ZNF836: variants seen among roughly 807,000 people sequenced by gnomAD.
The protein encoded by ZNF836 is zinc finger protein 836.
ZNF836 carries 12 observed loss-of-function variants against 7.4 expected under a neutral mutation model. The ratio of observed to expected loss-of-function variants is 1.61; its 90% CI spans 1.03 to 2.61. ZNF836 has a LOEUF of 2.61. Ranked by LOEUF, ZNF836 falls within the 30% of genes most tolerant of loss-of-function variation. The pLI is 0.00. For missense variants in ZNF836, 998 were observed against 1,126.2 expected, an observed-to-expected ratio of 0.89 and a Z score of 1.63; for synonymous variants, 365 against 382.6, an observed-to-expected ratio of 0.95 and a Z score of 0.54.
chr19:52,166,722 C>A (rs532511442), intron 3 of ZNF836, among the ~76,000 whole-genome samples: 1 of 151,702 alleles, frequency 6.6e-6, no homozygotes, highest in Non-Finnish European at 1.5e-5. Flanking sequence ...TACAGGCCCC[C>A]GCCACCACGC....
intron 4 of ZNF836, 155 bp downstream of exon 4, chr19:52,160,310 G>T (rs767470497): frequency 3.3e-5 from 28 of 841,656 alleles, no homozygotes; most frequent in Non-Finnish European, 5.3e-5. Flanking sequence ...TATGGGAAAT[G>T]AAAGGCCAGA....
At chr19:52,168,198 C>T in intron 2 of ZNF836, 46 bp from the exon 3 acceptor site, 1 of 1,278,198 alleles carries the variant, frequency 7.8e-7, no homozygotes, top group Non-Finnish European at 1.1e-6. Flanking sequence ...ACAACACATT[C>T]CTTTCTGCGC....
At chr19:52,165,947 GTAGT>G (rs1417415792) in intron 3 of ZNF836, among the ~76,000 whole-genome samples, 1 of 151,856 alleles carries the variant, frequency 6.6e-6, no homozygotes, top group Non-Finnish European at 1.5e-5. Context: ...TTCATATTCT[GTAGT>G]TAAATTTTCA....
In ZNF836 at chr19:52,156,580, C is replaced by T. The variant is rs2089162801; in HGVS notation, c.1103G>A (p.Arg368Lys). ...GTGATTTACAAGATTAGAATTCTGC[C>T]TGAAGACCTTGCCACATATATCACA... ...YQCDICGKVF[R>K]QNSNLVNHQR... The change falls in exon 5 of 5, where the codon AGG (arginine) becomes AAG (lysine). Residue 368 changes from arginine to lysine, a missense_variant. Physicochemically the swap from Arg to Lys is conservative, Grantham distance 26. Transcript: ENST00000682614. 2 of 1,613,760 alleles carry T rather than the reference C, an allele frequency of 1.2e-6. No homozygotes were observed. Among genetic ancestry groups the T allele is most frequent in the South Asian group, 1.1e-5 (1 of 91,064 alleles).
Position 52,154,967 on chromosome 19 carries a change from T to C in ZNF836, c.2716A>G (p.Thr906Ala). 1.2e-6 allele frequency: 2 copies of C among 1,602,074 alleles called. No homozygotes were observed. Among genetic ancestry groups the C allele is most frequent in the Non-Finnish European group, 1.7e-6 (2 of 1,173,388 alleles). The change falls in exon 5 of 5, where the codon ACT (threonine) becomes GCT (alanine). Residue 906 changes from threonine to alanine, a missense_variant. Thr to Ala is a moderately conservative substitution (Grantham distance 58, BLOSUM62 0). Coordinates refer to ENST00000682614, the MANE Select transcript of ZNF836 (RefSeq NM_001102657.3). ...GCAGTATGTTTTGTCTGATGTTTAG[T>C]GAGGCCTGAGCGACTAATGAAAGAT... ...GKSFISRSGL[T>A]KHQTKHTAES... is the part of the protein sequence containing the mutation.
Position 52,157,011 on chromosome 19 carries a change from G to A in ZNF836, c.672C>T (p.Gly224=), listed in dbSNP as rs781424061. Residue 224 remains glycine (G), a synonymous_variant, in exon 5 of 5, where the codon GGC becomes GGT. Coordinates refer to ENST00000682614, the MANE Select transcript of ZNF836 (RefSeq NM_001102657.3). The stretch of plus-strand genomic sequence containing the variant: ...GACTTGAAGACACTCTAAAGGCTTT[G>A]CCACACCCTTTACACATATAAGGTT... ...REKPYMCKGC[G]KAFRVSSSLI... The A allele has an allele frequency of 2.5e-6, 4 of 1,614,160 alleles. No homozygotes were observed. In the East Asian group the frequency reaches 6.7e-5, roughly 27 times the overall value.
chr19:52,166,604 C>T (rs1301044155), intron 3 of ZNF836, among the ~76,000 whole-genome samples: 2 of 136,818 alleles, frequency 1.5e-5, no homozygotes, highest in African/African-American at 2.7e-5. Flanking sequence ...GACGGAGTCT[C>T]GCTCTGTCGC....
chr19:52,155,117 GAT>G lies in ZNF836; in HGVS notation c.2564_2565del (p.Asn855ThrfsTer11). On this transcript the variant is annotated frameshift_variant, in exon 5 of 5. Coordinates refer to ENST00000682614, the MANE Select transcript of ZNF836 (RefSeq NM_001102657.3). LOFTEE classifies it low-confidence loss of function (END_TRUNC). ...ERSKLVYHQR[N>X]HTGEKPYKCI... ...CATTTGTATGGCTTCTCTCCAGTGT[GAT>G]TTCTTTGATGGTACACCAGCTTTGA... 1 of 1,614,172 alleles carries G rather than the reference GAT, an allele frequency of 6.2e-7. No homozygotes were observed. Among genetic ancestry groups the G allele is most frequent in the Non-Finnish European group, 8.5e-7 (1 of 1,179,988 alleles).
intron 3 of ZNF836, among the ~76,000 whole-genome samples, chr19:52,163,177 G>A (rs1345256642): frequency 6.6e-6 from 1 of 152,172 alleles, no homozygotes; most frequent in Non-Finnish European, 1.5e-5. Context: ...ATGCCTTTGG[G>A]ATGATTCTCT....
rs1358839132 is a variant in ZNF836, at chr19:52,171,549, A to G, written c.-428T>C. 6.6e-6 allele frequency: 1 copy of G among 152,280 alleles called. No homozygotes were observed. Among genetic ancestry groups the G allele is most frequent in the Non-Finnish European group, 1.5e-5 (1 of 68,084 alleles). The allele number at this position is 152,280 out of a possible 1,614,324, so 9.4% of individuals were successfully genotyped here. ...TGTGCAGGAAGCTACACGCCCTGAG[A>G]AAAAAGACTGAGAGACCTGGGGCGG... On this transcript the variant is annotated 5_prime_UTR_variant, in exon 1 of 5. Transcript: ENST00000682614.
chr19:52,163,973 A>G (rs2089236866), intron 3 of ZNF836, among the ~76,000 whole-genome samples: 1 of 151,096 alleles, frequency 6.6e-6, no homozygotes, highest in Non-Finnish European at 1.5e-5. Flanking sequence ...GGATCGTTCT[A>G]CTGAACTCCA....
rs532219542 is a variant in ZNF836, at chr19:52,160,354, A to T, written c.142+111T>A. 19 of 1,375,882 alleles carry T rather than the reference A, an allele frequency of 1.4e-5. No homozygotes were observed. In the African/African-American group the frequency reaches 2.3e-4, roughly 17 times the overall value. 85.2% of individuals were successfully genotyped at this position (1,375,882 alleles called of 1,614,324 possible). A position where few individuals can be genotyped will look rare whatever the true frequency, so the allele number is the denominator to read the frequency against. ...TATGAAGCTTTTTATTTGTGAGTCAACAAGGCTTCAGTCTCAGTCAAATAA... is the reference window on the plus strand; with the variant it reads ...TATGAAGCTTTTTATTTGTGAGTCATCAAGGCTTCAGTCTCAGTCAAATAA... On this transcript the variant is annotated intron_variant, in intron 4 of 4. Transcript: ENST00000682614.
chr19:52,171,233 C>T lies in ZNF836; in HGVS notation c.-215+103G>A, dbSNP rs528093207. The T allele has an allele frequency of 1.1e-3, 164 of 152,468 alleles. 1 individual carries two copies. Among genetic ancestry groups the T allele is most frequent in the Non-Finnish European group, 1.8e-4 (12 of 68,144 alleles). The allele number at this position is 152,468 out of a possible 1,614,324, so 9.4% of individuals were successfully genotyped here. A position where few individuals can be genotyped will look rare whatever the true frequency, so the allele number is the denominator to read the frequency against. On this transcript the variant is annotated intron_variant, in intron 1 of 4. Transcript: ENST00000682614. ...GTAAGGGTTTTAAGCAGGAACACGA[C>T]CTGAGTGGGGTTGTCTACATGGTCC...
Position 52,154,740 on chromosome 19 carries a change from C to T in ZNF836, c.*132G>A, listed in dbSNP as rs2089135051. 1 of 802,040 alleles carries T rather than the reference C, an allele frequency of 1.2e-6. No homozygotes were observed. The highest frequency in any genetic ancestry group is 1.7e-5 in the African/African-American group (1 of 57,730). 49.7% of individuals were successfully genotyped at this position (802,040 alleles called of 1,614,324 possible). ...GAGCAAAAAGCGGGTGGTGCTAAAC[C>T]ATTCTTGAGAAATCCACCCCTGTGA... On this transcript the variant is annotated 3_prime_UTR_variant, in exon 5 of 5. Coordinates refer to ENST00000682614, the MANE Select transcript of ZNF836 (RefSeq NM_001102657.3).
chr19:52,167,938 G>C, intron 3 of ZNF836, 120 bp downstream of exon 3: 1 of 746,074 alleles, frequency 1.3e-6, no homozygotes, highest in Non-Finnish European at 2.4e-6. Context: ...GGAAGGCATG[G>C]GTGAATGGCA....
chr19:52,165,598 A>G (rs550529844), intron 3 of ZNF836, among the ~76,000 whole-genome samples: 1 of 152,306 alleles, frequency 6.6e-6, no homozygotes, highest in African/African-American at 2.4e-5. Flanking sequence ...AACATGAGGG[A>G]TGGTGGATGA....
chr19:52,168,003 T>C, intron 3 of ZNF836, 55 bp downstream of exon 3: 3 of 1,353,318 alleles, frequency 2.2e-6, no homozygotes, highest in South Asian at 2.4e-5. Context: ...AACTCCAATG[T>C]GTCGCATTTC....
Position 52,155,467 on chromosome 19 carries a change from T to C in ZNF836, c.2216A>G (p.Tyr739Cys). Residue 739 changes from tyrosine (Y) to cysteine (C), a missense_variant, in exon 5 of 5, where the codon TAC (tyrosine) becomes TGC (cysteine). Tyr to Cys is a radical substitution (Grantham distance 194). Coordinates refer to ENST00000682614, the MANE Select transcript of ZNF836 (RefSeq NM_001102657.3). ...RTFSHITGLT[Y>C]HQRRHTGEMP... ...CTCTCCAGTATGCCTTCTCTGATGGTACGTCAGGCCTGTTATATGACTAAA... is the reference window on the plus strand; with the variant it reads ...CTCTCCAGTATGCCTTCTCTGATGGCACGTCAGGCCTGTTATATGACTAAA... The C allele has an allele frequency of 1.2e-6, 2 of 1,614,076 alleles. No individual in the cohort carries two copies. The highest frequency in any genetic ancestry group is 1.1e-5 in the South Asian group (1 of 91,084).
chr19:52,160,294 T>C (rs1336903956), intron 4 of ZNF836, 171 bp downstream of exon 4: 2 of 718,702 alleles, frequency 2.8e-6, no homozygotes, highest in Non-Finnish European at 4.6e-6. Context: ...GGGGATAGTG[T>C]GATGATATGG....
Sources: gnomAD v4.1 joint callset for allele counts (sites outside exome capture counted in the v4.1 genomes callset) on GRCh38, gnomAD v4.1.1 for gene constraint, MANE v1.5 for transcripts, NCBI Gene and HGNC (gene_info 2026-07-23, HGNC 2026-07-21) for gene names.